Variants in FBN3 observed in about 807,000 individuals in gnomAD.
FBN3 encodes the protein fibrillin-3.
In FBN3, 234 loss-of-function variants were observed where a neutral mutation model predicts 330.1. That is an observed-to-expected ratio of 0.71 (90% CI 0.64 to 0.79). The LOEUF (loss-of-function observed/expected upper bound fraction) is 0.79, where lower values mean the gene tolerates loss of function less well. FBN3 is among the 30% of genes least tolerant of loss of function. FBN3 has a pLI of 0.00. For missense variants in FBN3, 3,606 were observed against 3,886.9 expected (o/e 0.93, Z 1.92); for synonymous variants, 1,458 against 1,517.3 (o/e 0.96, Z 0.91).
chr19:8,132,934 T>A, intron 14 of FBN3, 50 bp downstream of exon 14: 3 of 1,498,594 alleles, frequency 2.0e-6, no homozygotes, highest in Non-Finnish European at 1.8e-6. Context: ...GTCCCTCTGC[T>A]TCCCCATCTC....
chr19:8,095,521 G>A lies in FBN3; in HGVS notation c.5657-18C>T, dbSNP rs1418614201. ...ATCAAAATCTGTAGAGGGGAGATGG[G>A]CAGGCCAGTTCACCCACAAAACTTG... On this transcript the variant is annotated intron_variant, in intron 45 of 63. Transcript: ENST00000600128. 6.2e-7 allele frequency: 1 copy of A among 1,609,676 alleles called. No individual in the cohort carries two copies. The highest frequency in any genetic ancestry group is 1.7e-5 in the Admixed American group (1 of 59,276).
intron 40 of FBN3, among the ~76,000 whole-genome samples, chr19:8,102,204 C>CT (rs772775825): frequency 2.0e-3 from 303 of 148,488 alleles, no homozygotes; most frequent in Non-Finnish European, 3.7e-3. Flanking sequence ...TAAAGTCCTC[C>CT]TTTTTTTTTA....
In FBN3 at chr19:8,131,457, C is replaced by T. The variant is rs2083144520; in HGVS notation, c.1990+97G>A. On this transcript the variant is annotated intron_variant, in intron 15 of 63. Transcript: ENST00000600128. This position sits in a 1 kb window ranked among gnomAD's most constrained non-coding sequence, Gnocchi z 4.5. ...CTTCAGCCTCTTTTTGGGAAGAGCC[C>T]CCACTCCATGGCAGCCATGACCCCC... The T allele has an allele frequency of 1.3e-6, 2 of 1,505,018 alleles. No homozygotes were observed. The highest frequency in any genetic ancestry group is 2.5e-5 in the South Asian group (2 of 79,328). 93.2% of individuals were successfully genotyped at this position (1,505,018 alleles called of 1,614,324 possible). A position where few individuals can be genotyped will look rare whatever the true frequency, so the allele number is the denominator to read the frequency against.
chr19:8,077,148 AGGTT>A (rs1443074739), intron 59 of FBN3, among the ~76,000 whole-genome samples: 1 of 152,222 alleles, frequency 6.6e-6, no homozygotes, highest in Admixed American at 6.5e-5. Flanking sequence ...TAAAATGGCC[AGGTT>A]GCTACGATGG....
intron 38 of FBN3, among the ~76,000 whole-genome samples, chr19:8,104,288 A>T (rs2144779154): frequency 1.3e-5 from 2 of 151,490 alleles, no homozygotes; most frequent in South Asian, 4.2e-4. Flanking sequence ...CCTGGGCAAC[A>T]TAGTGAGGTC....
At chr19:8,137,631 T>C (rs2083319554) in intron 10 of FBN3, among the ~76,000 whole-genome samples, 1 of 151,594 alleles carries the variant, frequency 6.6e-6, no homozygotes, top group African/African-American at 2.4e-5. Flanking sequence ...TTTATTTATT[T>C]ATTTATTTAT....
chr19:8,115,510 C>A lies in FBN3; in HGVS notation c.3838+5G>T, dbSNP rs768770635. 4.3e-6 allele frequency: 7 copies of A among 1,613,524 alleles called. No individual in the cohort carries two copies. The Admixed American group carries it at 1.2e-4, about 27-fold the overall frequency. ...CTCTGCCTGCACCGCTGACCGCCGG[C>A]TCACCAGAGCAGCCTGTGGCCCCCT... On this transcript the variant is annotated splice_donor_5th_base_variant and intron_variant, in intron 30 of 63. Transcript: ENST00000600128.
At chr19:8,083,465 C>G in intron 56 of FBN3, 93 bp from the exon 57 acceptor site, 1 of 1,487,236 alleles carries the variant, frequency 6.7e-7, no homozygotes, top group Non-Finnish European at 9.2e-7. Context: ...GCCGTCTCCT[C>G]GGAGGAAAGT....
chr19:8,131,754 T>C lies in FBN3; in HGVS notation c.1790A>G (p.Gln597Arg), dbSNP rs1176445730. 1.7e-5 allele frequency: 27 copies of C among 1,613,314 alleles called. No individual in the cohort carries two copies. The highest frequency in any genetic ancestry group is 2.3e-5 in the Non-Finnish European group (27 of 1,179,748). The change falls in exon 15 of 64, where the codon CAG becomes CGG. Residue 597 changes from glutamine to arginine, a missense_variant. Coordinates refer to ENST00000600128, the MANE Select transcript of FBN3 (RefSeq NM_032447.5). The surrounding 1 kb of genome is among the most constrained non-coding windows in gnomAD (Gnocchi z 4.5). The stretch of plus-strand genomic sequence containing the variant: ...GCCTACCGCCAGCCCCCCCAGGCAC[T>C]GGCAGCGGAAGGAGCCCTCGGTGTT... ...CTNTEGSFRCQCLGGLAVGTD... is the reference protein window; with the variant it reads ...CTNTEGSFRCRCLGGLAVGTD...
At position 8,131,334 on chromosome 19, in the gene FBN3, T is replaced by C. The variant is rs1278578046; in HGVS notation, c.1991-46A>G. ...TGAGACGGGTCAGGGAGCTTAGCCA[T>C]GGCTCGGATTCAGCCACAGGCAAGG... On this transcript the variant is annotated intron_variant, in intron 15 of 63. Coordinates refer to ENST00000600128, the MANE Select transcript of FBN3 (RefSeq NM_032447.5). The surrounding 1 kb of genome is among the most constrained non-coding windows in gnomAD (Gnocchi z 4.5). 1.9e-6 allele frequency: 3 copies of C among 1,599,512 alleles called. No individual in the cohort carries two copies.
chr19:8,115,826 G>A (rs1293469557), intron 29 of FBN3, among the ~76,000 whole-genome samples, 186 bp from the exon 30 acceptor site: 1 of 151,338 alleles, frequency 6.6e-6, no homozygotes, highest in Admixed American at 6.7e-5. Flanking sequence ...CTGGGCAATT[G>A]GGAATGTTCT....
intron 40 of FBN3, among the ~76,000 whole-genome samples, chr19:8,101,524 A>T (rs1442555236): frequency 6.6e-6 from 1 of 152,070 alleles, no homozygotes; most frequent in Non-Finnish European, 1.5e-5. Context: ...GCCTTCCCTC[A>T]TCCTGACCGA....
At chr19:8,093,430 T>C (rs1183270993) in intron 47 of FBN3, among the ~76,000 whole-genome samples, 1 of 152,118 alleles carries the variant, frequency 6.6e-6, no homozygotes, top group Admixed American at 6.5e-5. Context: ...GAGAGCATCC[T>C]GGCTAACATG....
Position 8,096,558 on chromosome 19 carries a change from A to T in FBN3, c.5425T>A (p.Cys1809Ser), listed in dbSNP as rs1258125865. The change falls in exon 44 of 64, where the codon TGT (cysteine) becomes AGT (serine). Residue 1809 changes from cysteine to serine, a missense_variant. Physicochemically the swap from Cys to Ser is moderately radical, Grantham distance 112 (BLOSUM62 -1). Transcript: ENST00000600128. This position sits in a 1 kb window ranked among gnomAD's most constrained non-coding sequence, Gnocchi z 4.6. The stretch of plus-strand genomic sequence containing the variant: ...CTACAGACATTCGGGATCTCCCGAC[A>T]CTCATTCCGTCCTGGGGGTGCAGAG... ...PGGACVGRNE[C>S]REIPNVCSHG... 9 of 1,612,112 alleles carry T rather than the reference A, an allele frequency of 5.6e-6. No homozygotes were observed. The highest frequency in any genetic ancestry group is 7.6e-6 in the Non-Finnish European group (9 of 1,179,452).
At chr19:8,147,982 G>C (rs2083590800) in intron 1 of FBN3, among the ~76,000 whole-genome samples, 1 of 152,112 alleles carries the variant, frequency 6.6e-6, no homozygotes, top group South Asian at 2.1e-4. Flanking sequence ...ATGGGAGAGA[G>C]AGGAGAGGAA....
At chr19:8,123,378 G>T in intron 24 of FBN3, 86 bp downstream of exon 24, 4 of 1,338,282 alleles carry the variant, frequency 3.0e-6, no homozygotes, top group South Asian at 1.3e-5. Context: ...AGAAGAAAAA[G>T]AACAGGTGTT....
rs760636714 is a variant in FBN3, at chr19:8,126,516, C to G, written c.2506G>C (p.Ala836Pro). Residue 836 changes from alanine (A) to proline (P), a missense_variant, in exon 20 of 64, where the codon GCC becomes CCC. By Grantham distance (27) the Ala-to-Pro change is conservative. Transcript: ENST00000600128. The stretch of plus-strand genomic sequence containing the variant: ...CTCCCCCAGGCTGCCCCGAGGGTGG[C>G]GCAGCACTCAGACCGCAGGCTGGCT... Reference protein sequence around the residue: ...QGASLRSECCATLGAAWGSPC... With the variant: ...QGASLRSECCPTLGAAWGSPC... 2 of 1,613,344 alleles carry G rather than the reference C, an allele frequency of 1.2e-6. No homozygotes were observed. Among genetic ancestry groups the G allele is most frequent in the South Asian group, 2.2e-5 (2 of 91,068 alleles).
Position 8,142,028 on chromosome 19 carries a change from G to C in FBN3, c.651C>G (p.Ala217=). Reference sequence around the variant, plus strand: ...GGCAAAGTTCACATGGAAGGCCCCAGGCACGGCCCACAGTGGCACAGCAAA... The same window carrying C: ...GGCAAAGTTCACATGGAAGGCCCCACGCACGGCCCACAGTGGCACAGCAAA... ...KALCCATVGR[A]WGLPCELCPA... The change falls in exon 7 of 64, where the codon GCC becomes GCG. Residue 217 remains alanine, a synonymous_variant. Transcript: ENST00000600128. 6.2e-7 allele frequency: 1 copy of C among 1,614,186 alleles called. No homozygotes were observed. Among genetic ancestry groups the C allele is most frequent in the South Asian group, 1.1e-5 (1 of 91,090 alleles).
intron 41 of FBN3, among the ~76,000 whole-genome samples, chr19:8,099,591 A>AT (rs1275925335): frequency 6.6e-6 from 1 of 151,636 alleles, no homozygotes; most frequent in African/African-American, 2.4e-5. Flanking sequence ...CCATGGTTTG[A>AT]TTTTTTTAAA....
Sources: allele counts gnomAD v4.1 joint callset (sites outside exome capture counted in the v4.1 genomes callset), GRCh38; gene constraint gnomAD v4.1.1; non-coding constraint Gnocchi (gnomAD v3.1); transcripts MANE v1.5; gene names NCBI Gene and HGNC (gene_info 2026-07-23, HGNC 2026-07-21).